The following PTPRM variants were observed in gnomAD, a reference collection of about 807,000 sequenced individuals.
The protein encoded by PTPRM is protein tyrosine phosphatase receptor type M.
In PTPRM, 47 loss-of-function variants were observed where a neutral mutation model predicts 186.7. That is an observed-to-expected ratio of 0.25 (90% CI 0.20 to 0.32). The LOEUF is 0.32. Among genes scored for constraint, PTPRM ranks in the 10% least tolerant of loss-of-function variants. PTPRM has a pLI of 1.00. For missense variants in PTPRM, 1,494 were observed against 1,865.0 expected, an observed-to-expected ratio of 0.80 and a Z score of 3.66; for synonymous variants, 668 against 674.9, an observed-to-expected ratio of 0.99 and a Z score of 0.16.
In PTPRM at chr18:7,949,204, T is replaced by C. The variant is rs34467776; in HGVS notation, c.687T>C (p.Pro229=). 255 of 1,609,508 alleles carry C rather than the reference T, an allele frequency of 1.6e-4. No homozygotes were observed. Among genetic ancestry groups the C allele is most frequent in the Non-Finnish European group, 2.5e-5 (29 of 1,176,042 alleles). ...AGGGCATTGATGTGCGAGATGCTCC[T>C]CTGAAGGAAATCAAGGTGACCAGCT... is the stretch of plus-strand genomic sequence containing the variant. ...WLQGIDVRDA[P]LKEIKVTSSR... is the part of the protein sequence containing the mutation. Residue 229 remains proline, a synonymous_variant, in exon 6 of 33, where the codon CCT becomes CCC. Transcript: ENST00000580170.
At chr18:7,960,452 T>TAC (rs2053583500) in intron 7 of PTPRM, among the ~76,000 whole-genome samples, 1 of 40,472 alleles carries the variant, frequency 2.5e-5, no homozygotes, top group Non-Finnish European at 5.0e-5. Flanking sequence ...ATAGGCAACA[T>TAC]ATATATATAT....
chr18:7,864,436 C>T (rs906337825), intron 2 of PTPRM, among the ~76,000 whole-genome samples: 1 of 152,188 alleles, frequency 6.6e-6, no homozygotes, highest in East Asian at 1.9e-4. Context: ...TTCCCCAACA[C>T]CATTTATTAA....
At chr18:7,922,272 G>A (rs2050911203) in intron 4 of PTPRM, among the ~76,000 whole-genome samples, 1 of 152,218 alleles carries the variant, frequency 6.6e-6, no homozygotes, top group Admixed American at 6.5e-5. Context: ...CTGCTTAACA[G>A]CCACTCTGAT....
chr18:7,602,495 A>T (rs969557812), intron 1 of PTPRM, among the ~76,000 whole-genome samples: 1 of 149,208 alleles, frequency 6.7e-6, no homozygotes, highest in African/African-American at 2.5e-5. Context: ...TGGTGTCTTC[A>T]TAGCTCACTG....
At chr18:8,151,799 G>A (rs1483850076) in intron 14 of PTPRM, among the ~76,000 whole-genome samples, 2 of 152,072 alleles carry the variant, frequency 1.3e-5, no homozygotes, top group Non-Finnish European at 2.9e-5. Context: ...GGCGCCAGAG[G>A]GGATCCCCTG....
chr18:7,924,358 T>A (rs1470360823), intron 4 of PTPRM, among the ~76,000 whole-genome samples: 1 of 152,210 alleles, frequency 6.6e-6, no homozygotes. Context: ...TAAAATAGAT[T>A]TATTAGAAGA....
intron 22 of PTPRM, among the ~76,000 whole-genome samples, chr18:8,328,531 G>A (rs1415591438): frequency 6.6e-6 from 1 of 152,230 alleles, no homozygotes; most frequent in Non-Finnish European, 1.5e-5. Context: ...TCAGTGAGTT[G>A]TAGGTTATGT....
intron 29 of PTPRM, among the ~76,000 whole-genome samples, chr18:8,381,673 A>G (rs2095737199): frequency 6.6e-6 from 1 of 152,192 alleles, no homozygotes; most frequent in Non-Finnish European, 1.5e-5. Flanking sequence ...ACAGTCATTT[A>G]TAAAGACAAG....
intron 7 of PTPRM, among the ~76,000 whole-genome samples, chr18:8,046,364 C>CA (rs1191161059): frequency 1.3e-5 from 2 of 152,200 alleles, no homozygotes; most frequent in East Asian, 1.9e-4. Context: ...ATGTATCTCT[C>CA]AGTTGAGAAC....
At chr18:8,249,888 G>T (rs1233969110) in intron 17 of PTPRM, among the ~76,000 whole-genome samples, 2 of 152,086 alleles carry the variant, frequency 1.3e-5, no homozygotes, top group South Asian at 2.1e-4. Flanking sequence ...ATCATGTATG[G>T]CTTATATAGG....
Position 8,220,624 on chromosome 18 carries a change from G to A in PTPRM, c.2301-23434G>A, listed in dbSNP as rs557031852. The stretch of plus-strand genomic sequence containing the variant: ...GGAAAGCTTATTAGGAAAGAGTTAG[G>A]AAAGCTGTAGTTCCTCCTGAATAAG... On this transcript the variant is annotated intron_variant, in intron 14 of 32. Transcript: ENST00000580170. 2.2e-4 allele frequency among the ~76,000 whole-genome samples: 33 copies of A among 152,294 alleles called. No homozygotes were observed. In the East Asian group the frequency reaches 5.6e-3, roughly 26 times the overall value.
At chr18:8,148,636 GTGTCTGTA>G (rs1398140783) in intron 14 of PTPRM, among the ~76,000 whole-genome samples, 1 of 151,838 alleles carries the variant, frequency 6.6e-6, no homozygotes, top group East Asian at 1.9e-4. Context: ...AGGGTTTTTC[GTGTCTGTA>G]TGTCCTTCAG....
Position 7,842,943 on chromosome 18 carries a change from T to TAGAGAG in PTPRM, c.197-45162_197-45161insGAGAGA, listed in dbSNP as rs1483845377. Among the ~76,000 whole-genome samples, 3 of 119,840 alleles carry TAGAGAG rather than the reference T, an allele frequency of 2.5e-5. No individual in the cohort carries two copies. In the South Asian group the frequency reaches 7.9e-4, roughly 32 times the overall value. The allele number at this position is 119,840 out of a possible 152,430, so 78.6% of individuals were successfully genotyped here. The stretch of plus-strand genomic sequence containing the variant: ...GTGTGTGTGTGTGTATATATATATA[T>TAGAGAG]ATATAGAGAGAGAGAGAGAGAGAGA... On this transcript the variant is annotated intron_variant, in intron 2 of 32. Transcript: ENST00000580170.
chr18:8,227,880 C>T (rs1305817046), intron 14 of PTPRM, among the ~76,000 whole-genome samples: 1 of 152,176 alleles, frequency 6.6e-6, no homozygotes, highest in Non-Finnish European at 1.5e-5. Context: ...ACTTGATTCC[C>T]ATCTTGCTTG....
chr18:7,867,309 T>G (rs2047757472), intron 2 of PTPRM, among the ~76,000 whole-genome samples: 2 of 152,226 alleles, frequency 1.3e-5, no homozygotes, highest in African/African-American at 4.8e-5. Flanking sequence ...TCTTTACAAT[T>G]TGCCATGTTT....
chr18:7,772,412 T>TTTTC (rs1309622505), intron 1 of PTPRM, among the ~76,000 whole-genome samples: 1 of 115,566 alleles, frequency 8.7e-6, no homozygotes. Context: ...TCTTTCTTTC[T>TTTTC]TTTCTTTCTT....
In PTPRM at chr18:7,966,934, C is replaced by T. The variant is rs199805695; in HGVS notation, c.1132+11520C>T. Among the ~76,000 whole-genome samples the T allele has an allele frequency of 2.6e-3, 327 of 124,844 alleles. 68 individuals are homozygous for T. The East Asian group carries it at 0.036, about 14-fold the overall frequency. 81.9% of individuals were successfully genotyped at this position (124,844 alleles called of 152,430 possible). A position where few individuals can be genotyped will look rare whatever the true frequency, so the allele number is the denominator to read the frequency against. On this transcript the variant is annotated intron_variant, in intron 7 of 32. Transcript: ENST00000580170. Reference sequence around the variant, plus strand: ...AGGTAAACAAAGCAGCCTGGAAGCTCGAACTGGGTGGAGCCCACCACAGCT... The same window carrying T: ...AGGTAAACAAAGCAGCCTGGAAGCTTGAACTGGGTGGAGCCCACCACAGCT...
intron 3 of PTPRM, among the ~76,000 whole-genome samples, chr18:7,890,240 T>C (rs1012455020): frequency 6.6e-6 from 1 of 152,168 alleles, no homozygotes; most frequent in Non-Finnish European, 1.5e-5. Flanking sequence ...GGAACATGCA[T>C]CTAAGATCAT....
chr18:8,019,049 T>C (rs954190215), intron 7 of PTPRM, among the ~76,000 whole-genome samples: 2 of 152,194 alleles, frequency 1.3e-5, no homozygotes, highest in African/African-American at 4.8e-5. Context: ...GTGACAGGCT[T>C]TGGGCTTCTT....
Sources: allele counts gnomAD v4.1 joint callset (sites outside exome capture counted in the v4.1 genomes callset), GRCh38; gene constraint gnomAD v4.1.1; transcripts MANE v1.5; gene names NCBI Gene and HGNC (gene_info 2026-07-23, HGNC 2026-07-21).